Variants in NINJ2 observed in about 807,000 individuals in gnomAD.
NINJ2 encodes ninjurin-2.
A neutral mutation model predicts 11.7 loss-of-function variants in NINJ2; 12 were observed. That is an observed-to-expected ratio of 1.02 (90% CI 0.66 to 1.66). The LOEUF (loss-of-function observed/expected upper bound fraction) is 1.66, where lower values mean the gene tolerates loss of function less well. Ranked by LOEUF, NINJ2 falls within the 40% of genes most tolerant of loss-of-function variation. The pLI, the probability that NINJ2 is intolerant of heterozygous loss-of-function variation, is 0.00. For synonymous variants in NINJ2, 93 were observed against 76.8 expected, an observed-to-expected ratio of 1.21 and a Z score of -1.10; for missense variants, 187 against 181.8, an observed-to-expected ratio of 1.03 and a Z score of -0.16.
chr12:574,910 A>G (rs1227029476), intron 1 of NINJ2, among the ~76,000 whole-genome samples: 2 of 152,256 alleles, frequency 1.3e-5, no homozygotes, highest in African/African-American at 2.4e-5. Context: ...TGCTGTTAGA[A>G]AGATCAATAG....
rs1947263003 is a variant in NINJ2, at chr12:564,508, C to A, written c.*192G>T. The A allele has an allele frequency of 1.3e-5, 2 of 152,206 alleles. No homozygotes were observed. The highest frequency in any genetic ancestry group is 4.8e-5 in the African/African-American group (2 of 41,442). The allele number at this position is 152,206 out of a possible 1,614,324, so 9.4% of individuals were successfully genotyped here. A position where few individuals can be genotyped will look rare whatever the true frequency, so the allele number is the denominator to read the frequency against. On this transcript the variant is annotated 3_prime_UTR_variant, in exon 4 of 4. Transcript: ENST00000305108. The stretch of plus-strand genomic sequence containing the variant: ...CTGCGTCTGAGCTCAGGACTTCAGA[C>A]CAAGATGGAAGTCCCTTAGACCAAT...
intron 1 of NINJ2, among the ~76,000 whole-genome samples, chr12:572,123 A>G (rs1361298490): frequency 2.0e-5 from 3 of 152,236 alleles, no homozygotes; most frequent in Non-Finnish European, 2.9e-5. Context: ...GGTCGAAGGG[A>G]CTGGAACACA....
chr12:613,604 G>T (rs1187523187), intron 1 of NINJ2, among the ~76,000 whole-genome samples: 1 of 150,820 alleles, frequency 6.6e-6, no homozygotes, highest in South Asian at 2.1e-4. Context: ...ACGAGACTCT[G>T]TCTCAAAAAT....
intron 1 of NINJ2, chr12:645,411 C>T (rs914703742): frequency 1.3e-5 from 2 of 152,040 alleles, no homozygotes; most frequent in Non-Finnish European, 2.9e-5. Context: ...AAATGGTAGC[C>T]GTTATCATTT....
At chr12:647,026 C>T (rs913027461) in intron 1 of NINJ2, among the ~76,000 whole-genome samples, 5 of 152,122 alleles carry the variant, frequency 3.3e-5, no homozygotes, top group African/African-American at 1.2e-4. Context: ...TGGGCTGGCA[C>T]TCTCTCCCAC....
rs1168506927 is a variant in NINJ2, at chr12:615,684, CT to C, written c.33+47643del. On this transcript the variant is annotated intron_variant, in intron 1 of 3. Coordinates refer to ENST00000305108, the MANE Select transcript of NINJ2 (RefSeq NM_016533.6). ...CAGCTCCTATCGGCTAAATTTATCC[CT>C]CTTTCTCAGTTCTCCCAAAGCATTT... 8.7e-4 allele frequency among the ~76,000 whole-genome samples: 133 copies of C among 152,348 alleles called. 2 individuals are homozygous for C. The highest frequency in any genetic ancestry group is 3.0e-3 in the African/African-American group (125 of 41,598).
intron 1 of NINJ2, among the ~76,000 whole-genome samples, chr12:594,475 C>G (rs1947757224): frequency 6.6e-6 from 1 of 152,066 alleles, no homozygotes; most frequent in Non-Finnish European, 1.5e-5. Context: ...AGGAAAACTA[C>G]AAAACTCTGA....
At chr12:602,474 T>C (rs1947885562) in intron 1 of NINJ2, among the ~76,000 whole-genome samples, 1 of 152,244 alleles carries the variant, frequency 6.6e-6, no homozygotes, top group Non-Finnish European at 1.5e-5. Context: ...TCGTTTCTTT[T>C]TATCATTGAA....
intron 1 of NINJ2, among the ~76,000 whole-genome samples, chr12:659,057 TATATATA>T (rs1355335451): frequency 1.4e-5 from 2 of 143,926 alleles, no homozygotes; most frequent in Non-Finnish European, 3.0e-5. Context: ...ATATATAATA[TATATATA>T]ATATATAACT....
chr12:602,505 C>G (rs1043499356), intron 1 of NINJ2, among the ~76,000 whole-genome samples: 24 of 152,204 alleles, frequency 1.6e-4, no homozygotes, highest in Non-Finnish European at 1.9e-4. Flanking sequence ...ATTGGATATA[C>G]ATTTTGCTTA....
At chr12:636,632 T>C (rs1193292453) in intron 1 of NINJ2, among the ~76,000 whole-genome samples, 1 of 151,824 alleles carries the variant, frequency 6.6e-6, no homozygotes, top group Non-Finnish European at 1.5e-5. Context: ...GAAAAAAGGC[T>C]CAATGTCACC....
At chr12:655,294 G>A (rs761031114) in intron 1 of NINJ2, among the ~76,000 whole-genome samples, 8 of 152,202 alleles carry the variant, frequency 5.3e-5, no homozygotes, top group Admixed American at 1.3e-4. Context: ...AGGAAATGAA[G>A]GGACTACAGA....
Position 565,978 on chromosome 12 carries a change from C to T in NINJ2, c.234G>A (p.Val78=). The change falls in exon 2 of 4, where the codon GTG becomes GTA. Residue 78 remains valine, a synonymous_variant. Transcript: ENST00000305108. ...TLISLSLLLQ[V]VIGVLLVVIA... is the part of the protein sequence containing the mutation. ...TGACCACGAGCAGGACACCGATGAC[C>T]ACCTGCAGGAGCAGAGAGAGGCTGA... The T allele has an allele frequency of 6.2e-7, 1 of 1,614,224 alleles. No homozygotes were observed. Among genetic ancestry groups the T allele is most frequent in the South Asian group, 1.1e-5 (1 of 91,076 alleles).
chr12:601,057 T>A lies in NINJ2; in HGVS notation c.34-34879A>T, dbSNP rs1036892907. 5.9e-5 allele frequency among the ~76,000 whole-genome samples: 9 copies of A among 152,302 alleles called. 1 individual carries two copies. Among genetic ancestry groups the A allele is most frequent in the African/African-American group, 2.2e-4 (9 of 41,576 alleles). ...TCCACCTTGACCAGAAGACTTACTA[T>A]TTAGTTCTCACCTCCCTGTGATTTG... On this transcript the variant is annotated intron_variant, in intron 1 of 3. Transcript: ENST00000305108.
intron 1 of NINJ2, among the ~76,000 whole-genome samples, chr12:629,251 T>C (rs1341852447): frequency 6.6e-6 from 1 of 152,218 alleles, no homozygotes; most frequent in African/African-American, 2.4e-5. Context: ...ATCTTCATTT[T>C]ACATGTGGGA....
rs1020861982 is a variant in NINJ2 at position 628,793 on chromosome 12, G to A, written c.33+34535C>T. 1.3e-5 allele frequency among the ~76,000 whole-genome samples: 2 copies of A among 152,240 alleles called. No homozygotes were observed. The highest frequency in any genetic ancestry group is 4.8e-5 in the African/African-American group (2 of 41,528). On this transcript the variant is annotated intron_variant, in intron 1 of 3. Coordinates refer to ENST00000305108, the MANE Select transcript of NINJ2 (RefSeq NM_016533.6). The surrounding 1 kb of genome is among the most constrained non-coding windows in gnomAD (Gnocchi z 4.4). ...TGGTTGTCCTCACTGCTCAGTATAT[G>A]CCAATTATACATTAGCATGCTAAGA...
At chr12:606,285 C>T (rs990088877) in intron 1 of NINJ2, among the ~76,000 whole-genome samples, 42 of 151,808 alleles carry the variant, frequency 2.8e-4, no homozygotes, top group African/African-American at 9.7e-4. Context: ...GATAGAGAAA[C>T]GTTTATAAAA....
chr12:626,892 C>T (rs1948216419), intron 1 of NINJ2, among the ~76,000 whole-genome samples: 5 of 152,056 alleles, frequency 3.3e-5, no homozygotes, highest in Admixed American at 3.3e-4. Flanking sequence ...TCAAGACCAG[C>T]CCGGGCAGCA....
Position 565,786 on chromosome 12 carries a change from G to A in NINJ2, c.262+164C>T, listed in dbSNP as rs1038695381. 8 of 713,386 alleles carry A rather than the reference G, an allele frequency of 1.1e-5. No homozygotes were observed. The African/African-American group carries it at 1.2e-4, about 11-fold the overall frequency. 44.2% of individuals were successfully genotyped at this position (713,386 alleles called of 1,614,324 possible). A position where few individuals can be genotyped will look rare whatever the true frequency, so the allele number is the denominator to read the frequency against. On this transcript the variant is annotated intron_variant, in intron 2 of 3. Transcript: ENST00000305108. ...GACAGGGCGCCTGCCCTCGCGGGGTGGAAGTTGGTCTTTGGGCCTCTGTTA... is the reference window on the plus strand; with the variant it reads ...GACAGGGCGCCTGCCCTCGCGGGGTAGAAGTTGGTCTTTGGGCCTCTGTTA...
Sources: allele counts gnomAD v4.1 joint callset (sites outside exome capture counted in the v4.1 genomes callset), GRCh38; gene constraint gnomAD v4.1.1; non-coding constraint Gnocchi (gnomAD v3.1); transcripts MANE v1.5; gene names NCBI Gene and HGNC (gene_info 2026-07-23, HGNC 2026-07-21).